EPHB1: variants seen among roughly 807,000 people sequenced by gnomAD.
The protein encoded by EPHB1 is EPH receptor B1, also known as ephrin type-B receptor 1.
EPHB1 carries 30 observed loss-of-function variants against 94.4 expected under a neutral mutation model. That is an observed-to-expected ratio of 0.32 (90% CI 0.24 to 0.43). The LOEUF is 0.43. Among genes scored for constraint, EPHB1 ranks in the 20% least tolerant of loss-of-function variants. EPHB1 has a pLI of 1.00. For synonymous variants in EPHB1, 522 were observed against 489.1 expected (o/e 1.07, Z -0.89); for missense variants, 1,055 against 1,308.3 (o/e 0.81, Z 2.99).
At chr3:135,116,740 C>A (rs1014466601) in intron 4 of EPHB1, among the ~76,000 whole-genome samples, 10 of 152,226 alleles carry the variant, frequency 6.6e-5, no homozygotes, top group Non-Finnish European at 1.5e-4. Context: ...TTCTCAAAGT[C>A]TGTCCCTACA....
intron 12 of EPHB1, among the ~76,000 whole-genome samples, chr3:135,226,458 G>A (rs1445224929): frequency 2.0e-5 from 3 of 152,242 alleles, no homozygotes; most frequent in Admixed American, 2.0e-4. Context: ...AAGGAGAATG[G>A]TCAGTGTAGA....
At chr3:135,076,097 A>G (rs1298080365) in intron 3 of EPHB1, among the ~76,000 whole-genome samples, 1 of 152,070 alleles carries the variant, frequency 6.6e-6, no homozygotes, top group Non-Finnish European at 1.5e-5. Context: ...AAAAACAAAA[A>G]CTATAAAATT....
At chr3:134,999,299 A>G (rs1475087188) in intron 3 of EPHB1, among the ~76,000 whole-genome samples, 1 of 152,178 alleles carries the variant, frequency 6.6e-6, no homozygotes, top group Non-Finnish European at 1.5e-5. Context: ...GGAAGATTTG[A>G]TCAGCTTCAT....
chr3:135,257,918 C>A (rs192516300), intron 15 of EPHB1, among the ~76,000 whole-genome samples: 1 of 151,460 alleles, frequency 6.6e-6, no homozygotes, highest in Non-Finnish European at 1.5e-5. Context: ...TCTCGTGGTG[C>A]GCCGTGTTTT....
At chr3:135,042,015 G>A (rs900701880) in intron 3 of EPHB1, among the ~76,000 whole-genome samples, 4 of 152,146 alleles carry the variant, frequency 2.6e-5, no homozygotes, top group Non-Finnish European at 5.9e-5. Context: ...GCTCACTGCA[G>A]CCCCGATCTC....
intron 3 of EPHB1, among the ~76,000 whole-genome samples, chr3:135,001,809 C>T (rs1210596925): frequency 6.6e-6 from 1 of 152,158 alleles, no homozygotes; most frequent in Non-Finnish European, 1.5e-5. Context: ...AAACCTGCCT[C>T]ATTATAAAGA....
At chr3:134,816,171 G>T (rs143233496) in intron 1 of EPHB1, among the ~76,000 whole-genome samples, 1 of 131,978 alleles carries the variant, frequency 7.6e-6, no homozygotes, top group Non-Finnish European at 1.6e-5. Flanking sequence ...CAATCTCCAC[G>T]TCTTGGGTTC....
At chr3:134,842,407 G>A (rs1039959820) in intron 1 of EPHB1, among the ~76,000 whole-genome samples, 2 of 152,182 alleles carry the variant, frequency 1.3e-5, no homozygotes, top group Non-Finnish European at 2.9e-5. Flanking sequence ...TCACTCTTCT[G>A]TGCTAATGCC....
At chr3:135,203,129 A>G (rs1274621565) in intron 12 of EPHB1, among the ~76,000 whole-genome samples, 1 of 152,242 alleles carries the variant, frequency 6.6e-6, no homozygotes, top group Non-Finnish European at 1.5e-5. Flanking sequence ...CGGAAAACCA[A>G]ACACTACATG....
chr3:134,897,268 T>C (rs148111400), intron 1 of EPHB1, among the ~76,000 whole-genome samples: 1 of 151,200 alleles, frequency 6.6e-6, no homozygotes, highest in Non-Finnish European at 1.5e-5. Flanking sequence ...GATACCCCAA[T>C]CCCAGATCCT....
At chr3:134,799,712 C>T (rs1430688478) in intron 1 of EPHB1, among the ~76,000 whole-genome samples, 1 of 152,210 alleles carries the variant, frequency 6.6e-6, no homozygotes, top group African/African-American at 2.4e-5. Flanking sequence ...CTTCTGCCTT[C>T]TATTGACTTG....
intron 1 of EPHB1, among the ~76,000 whole-genome samples, chr3:134,915,212 C>A (rs188974772): frequency 6.6e-6 from 1 of 152,238 alleles, no homozygotes; most frequent in African/African-American, 2.4e-5. Flanking sequence ...ACCCTCAGTA[C>A]CTCACAATGC....
At chr3:134,993,238 C>A (rs1934877110) in intron 3 of EPHB1, among the ~76,000 whole-genome samples, 1 of 152,222 alleles carries the variant, frequency 6.6e-6, no homozygotes, top group South Asian at 2.1e-4. Flanking sequence ...AGCAATCCAG[C>A]CTCATCCTGA....
chr3:134,835,482 C>G (rs1266350844), intron 1 of EPHB1, among the ~76,000 whole-genome samples: 1 of 152,196 alleles, frequency 6.6e-6, no homozygotes, highest in African/African-American at 2.4e-5. Flanking sequence ...GGTGCCAGTG[C>G]CTTTACTTGC....
At chr3:135,176,937 A>G (rs1941995630) in intron 9 of EPHB1, among the ~76,000 whole-genome samples, 1 of 152,200 alleles carries the variant, frequency 6.6e-6, no homozygotes, top group Non-Finnish European at 1.5e-5. Context: ...AGTAACTAAT[A>G]TAACCCTAAG....
chr3:135,186,303 T>G (rs1407974242), intron 10 of EPHB1, among the ~76,000 whole-genome samples: 1 of 152,180 alleles, frequency 6.6e-6, no homozygotes, highest in Non-Finnish European at 1.5e-5. Context: ...TCTGAGGAAC[T>G]CTGATGAAAG....
In EPHB1 at chr3:134,849,188, C is replaced by T. The variant is rs139041840; in HGVS notation, c.58+53499C>T. ...TTCTCAGACTTCAGCATCAGAATCA[C>T]GTAGAGGGCTTGTTGAAACAGATTG... On this transcript the variant is annotated intron_variant, in intron 1 of 15. Coordinates refer to ENST00000398015, the MANE Select transcript of EPHB1 (RefSeq NM_004441.5). Among the ~76,000 whole-genome samples the T allele has an allele frequency of 2.3e-3, 346 of 152,266 alleles. 2 individuals are homozygous for T. Among genetic ancestry groups the T allele is most frequent in the African/African-American group, 7.7e-3 (320 of 41,536 alleles).
chr3:134,989,424 G>T (rs553311123), intron 3 of EPHB1, among the ~76,000 whole-genome samples: 5 of 152,166 alleles, frequency 3.3e-5, no homozygotes, highest in South Asian at 4.1e-4. Context: ...TATTAGAAAA[G>T]ACTTTGCTTT....
intron 4 of EPHB1, among the ~76,000 whole-genome samples, chr3:135,123,981 C>T (rs1286655032): frequency 6.6e-6 from 1 of 151,622 alleles, no homozygotes; most frequent in Non-Finnish European, 1.5e-5. Flanking sequence ...TGCTCAGAGC[C>T]CTCCTTACAG....
Sources: allele counts gnomAD v4.1 joint callset (sites outside exome capture counted in the v4.1 genomes callset), GRCh38; gene constraint gnomAD v4.1.1; transcripts MANE v1.5; gene names NCBI Gene and HGNC (gene_info 2026-07-23, HGNC 2026-07-21).